Variants in NCAM1 observed in about 807,000 individuals in gnomAD.
NCAM1 encodes antigen recognized by monoclonal antibody 5.1H11.
NCAM1 carries 14 observed loss-of-function variants against 109.8 expected under a neutral mutation model. The ratio of observed to expected loss-of-function variants is 0.13; its 90% CI spans 0.08 to 0.20. NCAM1 has a LOEUF of 0.20. NCAM1 is among the 10% of genes least tolerant of loss of function. The pLI, the probability that NCAM1 is intolerant of heterozygous loss-of-function variation, is 1.00. For missense variants in NCAM1, 774 were observed against 1,109.9 expected (o/e 0.70, Z 4.30); for synonymous variants, 418 against 442.9 (o/e 0.94, Z 0.70).
rs781798452 is a variant in NCAM1, at chr11:113,260,187, C to T, written c.1995C>T (p.Gly665=). 6 of 1,613,856 alleles carry T rather than the reference C, an allele frequency of 3.7e-6. No homozygotes were observed. The South Asian group carries it at 6.6e-5, about 18-fold the overall frequency. The change falls in exon 17 of 20, where the codon GGC becomes GGT. Residue 665 remains glycine (G), a synonymous_variant. Coordinates refer to ENST00000316851, the MANE Select transcript of NCAM1 (RefSeq NM_181351.5). The part of the protein sequence containing the change: ...EWKPEIRLPS[G]SDHVMLKSLD... ...AACCAGAGATCAGGCTCCCGTCTGG[C>T]AGTGACCACGTCATGCTGAAGTCCC...
intron 1 of NCAM1, among the ~76,000 whole-genome samples, chr11:113,194,681 T>G (rs1248273950): frequency 6.6e-6 from 1 of 152,202 alleles, no homozygotes; most frequent in Non-Finnish European, 1.5e-5. Context: ...CCTCCGCCTT[T>G]TGTCTCAAAT....
chr11:113,183,587 A>AT (rs1231921181), intron 1 of NCAM1, among the ~76,000 whole-genome samples: 162 of 152,048 alleles, frequency 1.1e-3, no homozygotes, highest in African/African-American at 3.5e-3. Flanking sequence ...TCTTGGTGTG[A>AT]TTTTTTTTAT....
chr11:113,046,799 G>T (rs1384963293), intron 1 of NCAM1, among the ~76,000 whole-genome samples: 1 of 135,774 alleles, frequency 7.4e-6, no homozygotes, highest in Non-Finnish European at 1.6e-5. Context: ...AAAGAAGAAA[G>T]AAAAGAGAGA....
At chr11:113,184,414 C>T (rs1943430600) in intron 1 of NCAM1, among the ~76,000 whole-genome samples, 1 of 152,192 alleles carries the variant, frequency 6.6e-6, no homozygotes, top group Non-Finnish European at 1.5e-5. Flanking sequence ...TGCTCAAAGT[C>T]TGCCATTTAG....
chr11:113,264,548 G>T (rs1334601303), intron 17 of NCAM1: 5 of 985,544 alleles, frequency 5.1e-6, no homozygotes, highest in Non-Finnish European at 6.0e-6. Flanking sequence ...AGGATCCCAG[G>T]TCAGTGTGGG....
intron 1 of NCAM1, among the ~76,000 whole-genome samples, chr11:113,036,276 C>A (rs1269081187): frequency 3.9e-5 from 6 of 152,076 alleles, no homozygotes; most frequent in Non-Finnish European, 8.8e-5. Context: ...TCCTTATTAC[C>A]CTCTCTTCCC....
At chr11:113,137,544 A>G (rs910821843) in intron 1 of NCAM1, among the ~76,000 whole-genome samples, 3 of 152,368 alleles carry the variant, frequency 2.0e-5, no homozygotes, top group Non-Finnish European at 2.9e-5. Flanking sequence ...AATGTAAGAC[A>G]TCTCCAAAAA....
chr11:113,001,653 C>T (rs1279084909), intron 1 of NCAM1, among the ~76,000 whole-genome samples: 6 of 152,176 alleles, frequency 3.9e-5, no homozygotes, highest in Non-Finnish European at 8.8e-5. Flanking sequence ...GCACTGATAC[C>T]TACTGACTTG....
At chr11:113,175,063 G>A (rs558137952) in intron 1 of NCAM1, among the ~76,000 whole-genome samples, 1 of 152,286 alleles carries the variant, frequency 6.6e-6, no homozygotes, top group South Asian at 2.1e-4. Flanking sequence ...GAGGTTGCTG[G>A]GTGATGTCAT....
intron 1 of NCAM1, among the ~76,000 whole-genome samples, chr11:113,153,022 G>C (rs11214515): frequency 3.3e-3 from 502 of 151,544 alleles, no homozygotes; most frequent in Middle Eastern, 0.01. Context: ...GTTTATATGA[G>C]CCTAAACTGC....
intron 1 of NCAM1, among the ~76,000 whole-genome samples, chr11:113,115,408 A>G (rs564817233): frequency 1.5e-4 from 23 of 152,150 alleles, no homozygotes; most frequent in Non-Finnish European, 2.8e-4. Flanking sequence ...CTTTTCCCCA[A>G]TTCTGTGCTA....
intron 1 of NCAM1, among the ~76,000 whole-genome samples, chr11:113,048,656 G>C (rs138733073): frequency 1.3e-5 from 2 of 152,156 alleles, no homozygotes; most frequent in African/African-American, 2.4e-5. Context: ...CATCTGTAAG[G>C]CATCCATGGT....
chr11:113,155,521 A>G (rs1426569954), intron 1 of NCAM1, among the ~76,000 whole-genome samples: 1 of 151,058 alleles, frequency 6.6e-6, no homozygotes, highest in African/African-American at 2.4e-5. Flanking sequence ...AAAAAAAAAC[A>G]AAAAACAAAA....
chr11:112,998,248 G>A (rs1423863708), intron 1 of NCAM1, among the ~76,000 whole-genome samples: 1 of 152,156 alleles, frequency 6.6e-6, no homozygotes, highest in Non-Finnish European at 1.5e-5. Flanking sequence ...TGAAATTGCA[G>A]AGTAATTTCT....
chr11:113,045,529 G>T (rs1022842520), intron 1 of NCAM1, among the ~76,000 whole-genome samples: 1 of 152,190 alleles, frequency 6.6e-6, no homozygotes. Context: ...CGAGCTTGCC[G>T]TGGGATCACG....
chr11:112,972,522 A>G, intron 1 of NCAM1, among the ~76,000 whole-genome samples: 1 of 152,248 alleles, frequency 6.6e-6, no homozygotes, highest in Non-Finnish European at 1.5e-5. Flanking sequence ...AACAAATAAT[A>G]TATATAGGTA....
chr11:113,189,535 C>T (rs1487483122), intron 1 of NCAM1, among the ~76,000 whole-genome samples: 1 of 151,602 alleles, frequency 6.6e-6, no homozygotes, highest in Admixed American at 6.6e-5. Context: ...ATCTGATTAA[C>T]TTGGTTTGTG....
intron 1 of NCAM1, among the ~76,000 whole-genome samples, chr11:112,979,559 T>G (rs544362043): frequency 6.6e-6 from 1 of 152,000 alleles, no homozygotes; most frequent in Non-Finnish European, 1.5e-5. Flanking sequence ...GTGACTCTTT[T>G]GCAAGTTAAA....
intron 1 of NCAM1, among the ~76,000 whole-genome samples, chr11:113,080,118 C>T (rs782740570): frequency 9.9e-5 from 15 of 151,964 alleles, no homozygotes; most frequent in Non-Finnish European, 1.9e-4. Context: ...TTGAATAAGG[C>T]GTGTGAAATT....
Sources: gnomAD v4.1 joint callset for allele counts (sites outside exome capture counted in the v4.1 genomes callset) on GRCh38, gnomAD v4.1.1 for gene constraint, MANE v1.5 for transcripts, NCBI Gene and HGNC (gene_info 2026-07-23, HGNC 2026-07-21) for gene names.